SEC24B: variants seen among roughly 807,000 people sequenced by gnomAD.
The protein encoded by SEC24B is protein transport protein Sec24B.
A neutral mutation model predicts 142.8 loss-of-function variants in SEC24B; 45 were observed. The ratio of observed to expected loss-of-function variants is 0.32; its 90% CI spans 0.25 to 0.40. SEC24B has a LOEUF of 0.40. SEC24B is among the 10% of genes least tolerant of loss of function. SEC24B has a pLI of 1.00. For missense variants in SEC24B, 1,409 were observed against 1,526.8 expected (o/e 0.92, Z 1.29); for synonymous variants, 574 against 568.2 (o/e 1.01, Z -0.15).
At chr4:109,534,851 T>A (rs916826793) in intron 22 of SEC24B, among the ~76,000 whole-genome samples, 6 of 152,000 alleles carry the variant, frequency 3.9e-5, no homozygotes, top group South Asian at 2.1e-4. Flanking sequence ...ATTAAAAAAA[T>A]TTTTTTTCTA....
intron 3 of SEC24B, among the ~76,000 whole-genome samples, chr4:109,477,559 C>G (rs990551516): frequency 3.9e-5 from 6 of 152,014 alleles, no homozygotes; most frequent in Non-Finnish European, 5.9e-5. Context: ...CTCCCAGGCT[C>G]GAGTGATTAT....
chr4:109,455,222 T>G (rs1010557266), intron 1 of SEC24B, among the ~76,000 whole-genome samples: 1 of 152,192 alleles, frequency 6.6e-6, no homozygotes, highest in Non-Finnish European at 1.5e-5. Context: ...ATATTTTCTC[T>G]TAAGTGTTTA....
At chr4:109,467,478 C>T (rs1475604101) in intron 2 of SEC24B, among the ~76,000 whole-genome samples, 4 of 152,078 alleles carry the variant, frequency 2.6e-5, no homozygotes, top group Non-Finnish European at 5.9e-5. Context: ...GTAGTTGAAT[C>T]TCTAGTATAG....
chr4:109,462,870 T>C, intron 1 of SEC24B, 31 bp from the exon 2 acceptor site: 9 of 1,487,718 alleles, frequency 6.0e-6, no homozygotes, highest in Non-Finnish European at 8.1e-6. Flanking sequence ...GTTATCTCTT[T>C]ACAAATACCT....
At chr4:109,521,974 G>A (rs1168807959) in intron 14 of SEC24B, among the ~76,000 whole-genome samples, 1 of 151,882 alleles carries the variant, frequency 6.6e-6, no homozygotes, top group Non-Finnish European at 1.5e-5. Flanking sequence ...CTGGTGATCC[G>A]CCTGCCTCAG....
chr4:109,467,485 A>G (rs1170531205), intron 2 of SEC24B, among the ~76,000 whole-genome samples: 4 of 152,206 alleles, frequency 2.6e-5, no homozygotes, highest in Non-Finnish European at 5.9e-5. Flanking sequence ...AATCTCTAGT[A>G]TAGTCAAGTA....
intron 6 of SEC24B, among the ~76,000 whole-genome samples, chr4:109,500,130 T>A (rs1735958104): frequency 6.6e-6 from 1 of 152,204 alleles, no homozygotes; most frequent in African/African-American, 2.4e-5. Context: ...AGTTACGGAA[T>A]AAGGCTGTAA....
chr4:109,442,097 A>G (rs1443770866), intron 1 of SEC24B, among the ~76,000 whole-genome samples: 2 of 152,192 alleles, frequency 1.3e-5, no homozygotes, highest in Non-Finnish European at 2.9e-5. Context: ...GCAAGCATGC[A>G]CATTTTTTAT....
At chr4:109,446,385 G>C (rs1333808420) in intron 1 of SEC24B, among the ~76,000 whole-genome samples, 1 of 152,188 alleles carries the variant, frequency 6.6e-6, no homozygotes, top group Non-Finnish European at 1.5e-5. Context: ...GCAAGGAAAC[G>C]GATTGTCTCT....
At chr4:109,498,913 CAG>C (rs1177711637) in intron 6 of SEC24B, among the ~76,000 whole-genome samples, 4 of 150,810 alleles carry the variant, frequency 2.7e-5, no homozygotes, top group East Asian at 3.9e-4. Context: ...GGTGGAAAAA[CAG>C]GGAAAAGGCT....
intron 22 of SEC24B, among the ~76,000 whole-genome samples, chr4:109,536,963 A>G (rs923539625): frequency 6.6e-6 from 1 of 152,170 alleles, no homozygotes; most frequent in Non-Finnish European, 1.5e-5. Flanking sequence ...TAAAGCCAAA[A>G]TACAAACAAT....
At chr4:109,490,292 T>C (rs962066305) in intron 4 of SEC24B, among the ~76,000 whole-genome samples, 2 of 150,554 alleles carry the variant, frequency 1.3e-5, no homozygotes, top group Non-Finnish European at 3.0e-5. Flanking sequence ...CATCAGCTAT[T>C]ATGCCCTGAG....
At chr4:109,455,237 A>G (rs1365592560) in intron 1 of SEC24B, among the ~76,000 whole-genome samples, 1 of 152,002 alleles carries the variant, frequency 6.6e-6, no homozygotes, top group African/African-American at 2.4e-5. Flanking sequence ...TGTTTAATTT[A>G]CAATGAGATT....
chr4:109,510,422 G>A (rs1346596656), intron 8 of SEC24B, among the ~76,000 whole-genome samples: 5 of 152,166 alleles, frequency 3.3e-5, no homozygotes, highest in African/African-American at 1.2e-4. Flanking sequence ...CAAATTCTAT[G>A]AGATACTTAG....
intron 1 of SEC24B, among the ~76,000 whole-genome samples, chr4:109,458,794 C>T (rs550187414): frequency 1.3e-5 from 2 of 150,038 alleles, no homozygotes; most frequent in African/African-American, 4.9e-5. Flanking sequence ...CAGGTTATCT[C>T]GGGAAGATTA....
intron 6 of SEC24B, among the ~76,000 whole-genome samples, chr4:109,497,679 C>G (rs1003528725): frequency 3.3e-5 from 5 of 151,882 alleles, no homozygotes; most frequent in African/African-American, 1.2e-4. Context: ...GGTACTCAAT[C>G]ATGTGAATAG....
rs894367122 is a variant in SEC24B, at chr4:109,495,083, A to G, written c.1488+227A>G. The stretch of plus-strand genomic sequence containing the variant: ...TTTTTAAAGAGGTTAAATCTAGATC[A>G]AGATATTAGATATGATTTTATTTTT... On this transcript the variant is annotated intron_variant, in intron 6 of 23. Coordinates refer to ENST00000265175, the MANE Select transcript of SEC24B (RefSeq NM_006323.5). Among the ~76,000 whole-genome samples the G allele has an allele frequency of 6.6e-5, 10 of 152,326 alleles. No individual in the cohort carries two copies. The East Asian group carries it at 1.7e-3, about 26-fold the overall frequency.
intron 6 of SEC24B, among the ~76,000 whole-genome samples, chr4:109,502,326 G>A (rs1379823104): frequency 1.3e-5 from 2 of 152,192 alleles, no homozygotes; most frequent in Non-Finnish European, 2.9e-5. Context: ...TATGTAATAG[G>A]ATGACATCTA....
intron 1 of SEC24B, among the ~76,000 whole-genome samples, chr4:109,442,945 T>C (rs975308696): frequency 2.0e-5 from 3 of 152,234 alleles, no homozygotes; most frequent in Non-Finnish European, 4.4e-5. Flanking sequence ...ATAAAATGGC[T>C]GTATTGTAAT....
Sources: allele counts gnomAD v4.1 joint callset (sites outside exome capture counted in the v4.1 genomes callset), GRCh38; gene constraint gnomAD v4.1.1; transcripts MANE v1.5; gene names NCBI Gene and HGNC (gene_info 2026-07-23, HGNC 2026-07-21).